The following PDE4D variants were observed in gnomAD, a reference collection of about 807,000 sequenced individuals.
PDE4D encodes the protein phosphodiesterase 4D.
PDE4D carries 24 observed loss-of-function variants against 87.4 expected under a neutral mutation model. That is an observed-to-expected ratio of 0.27 (90% CI 0.20 to 0.39). The LOEUF is 0.39. PDE4D is among the 10% of genes least tolerant of loss of function. PDE4D has a pLI of 1.00. For missense variants in PDE4D, 714 were observed against 1,041.0 expected (o/e 0.69, Z 4.32); for synonymous variants, 384 against 383.2 (o/e 1.00, Z -0.02).
At chr5:59,551,019 T>A (rs1201818221) in intron 1 of PDE4D, among the ~76,000 whole-genome samples, 1 of 152,160 alleles carries the variant, frequency 6.6e-6, no homozygotes, top group Non-Finnish European at 1.5e-5. Flanking sequence ...TTTTAAGACA[T>A]TAAAGTCAAT....
rs745528970 is a variant in PDE4D at position 59,185,173 on chromosome 5, A to G, written c.758+16T>C. The G allele has an allele frequency of 9.4e-6, 15 of 1,601,476 alleles. No homozygotes were observed. Among genetic ancestry groups the G allele is most frequent in the East Asian group, 2.2e-5 (1 of 44,798 alleles). On this transcript the variant is annotated intron_variant, in intron 4 of 14. Transcript: ENST00000340635. ...AAAGTTCAGCAAAAAAGAGGGGGGAAAAAAGGATATCTTACTTGCTAGGTG... is the reference window on the plus strand; with the variant it reads ...AAAGTTCAGCAAAAAAGAGGGGGGAGAAAAGGATATCTTACTTGCTAGGTG...
intron 1 of PDE4D, among the ~76,000 whole-genome samples, chr5:60,386,364 A>G (rs1762193037): frequency 6.6e-6 from 1 of 152,316 alleles, no homozygotes; most frequent in East Asian, 1.9e-4. Flanking sequence ...ATAAATCCTT[A>G]TGGATTTAAT....
At chr5:60,261,630 A>T (rs1177369151) in intron 1 of PDE4D, among the ~76,000 whole-genome samples, 1 of 152,166 alleles carries the variant, frequency 6.6e-6, no homozygotes, top group Admixed American at 6.6e-5. Flanking sequence ...TGAAAGAAAG[A>T]GGTGGGCTGA....
chr5:60,415,534 T>C (rs28635931), intron 1 of PDE4D, among the ~76,000 whole-genome samples: 46,271 of 152,162 alleles, frequency 0.3, 8,635 homozygotes, highest in African/African-American at 0.53. Flanking sequence ...GTGGGCTTGG[T>C]GGGCCCGCAC....
intron 2 of PDE4D, among the ~76,000 whole-genome samples, chr5:59,993,027 T>G (rs1167433079): frequency 6.6e-6 from 1 of 152,208 alleles, no homozygotes; most frequent in African/African-American, 2.4e-5. Context: ...TCTTATGTTA[T>G]TGTTAGAAAA....
chr5:59,525,712 G>A (rs1219806729), intron 1 of PDE4D, among the ~76,000 whole-genome samples: 2 of 152,148 alleles, frequency 1.3e-5, no homozygotes, highest in South Asian at 4.1e-4. Context: ...TTGGGGGAGG[G>A]AACCTCATGG....
chr5:59,513,051 G>C (rs1810534815), intron 1 of PDE4D, among the ~76,000 whole-genome samples: 1 of 151,952 alleles, frequency 6.6e-6, no homozygotes, highest in Admixed American at 6.6e-5. Flanking sequence ...TAAATATGAA[G>C]GGCAAAATAT....
intron 5 of PDE4D, among the ~76,000 whole-genome samples, chr5:59,100,786 T>C (rs1425279292): frequency 1.3e-5 from 2 of 152,190 alleles, no homozygotes; most frequent in Admixed American, 6.5e-5. Context: ...AAAATTGTTA[T>C]ATCTCTTTTG....
In PDE4D at chr5:59,935,109, A is replaced by G. The variant is rs144756985; in HGVS notation, c.272+53379T>C. 2.0e-5 allele frequency among the ~76,000 whole-genome samples: 3 copies of G among 152,312 alleles called. No individual in the cohort carries two copies. In the East Asian group the frequency reaches 5.8e-4, roughly 29 times the overall value. On this transcript the variant is annotated intron_variant, in intron 3 of 16. Transcript: ENST00000502484. ...GTTGAGTTTAAAGGGCTGTGAGGTCATAAGTATCCAATCCATTGGGCATAG... is the reference window on the plus strand; with the variant it reads ...GTTGAGTTTAAAGGGCTGTGAGGTCGTAAGTATCCAATCCATTGGGCATAG...
chr5:59,183,145 T>C (rs1330705651), intron 4 of PDE4D, among the ~76,000 whole-genome samples: 2 of 152,192 alleles, frequency 1.3e-5, no homozygotes, highest in African/African-American at 4.8e-5. Context: ...CGTGAATAGA[T>C]TGAATCCTAC....
At chr5:59,457,441 A>G (rs6870632) in intron 1 of PDE4D, among the ~76,000 whole-genome samples, 65,731 of 152,110 alleles carry the variant, frequency 0.43, 16,952 homozygotes, top group African/African-American at 0.73. Flanking sequence ...TATGTACTGG[A>G]AAACCAAAAT....
chr5:59,775,833 C>A (rs1194040702), intron 1 of PDE4D, among the ~76,000 whole-genome samples: 1 of 152,192 alleles, frequency 6.6e-6, no homozygotes, highest in African/African-American at 2.4e-5. Flanking sequence ...TTATCTTTCT[C>A]TTTCATTTGC....
At chr5:59,356,908 G>A in intron 1 of PDE4D, 1 of 1,466,434 alleles carries the variant, frequency 6.8e-7, no homozygotes, top group Non-Finnish European at 8.9e-7. Flanking sequence ...GCGGGGCTCT[G>A]GGGCCCTGAG....
intron 1 of PDE4D, among the ~76,000 whole-genome samples, chr5:59,382,106 T>C (rs1316323374): frequency 6.6e-6 from 1 of 152,068 alleles, no homozygotes; most frequent in African/African-American, 2.4e-5. Flanking sequence ...CAGTCCCCCA[T>C]TTCCCTGACA....
chr5:59,137,416 C>G (rs561593761), intron 5 of PDE4D, among the ~76,000 whole-genome samples: 1 of 151,920 alleles, frequency 6.6e-6, no homozygotes, highest in East Asian at 1.9e-4. Context: ...CAAAGAAAAA[C>G]TTCATGGTAT....
chr5:59,157,281 C>T (rs1300227974), intron 5 of PDE4D: 1 of 701,948 alleles, frequency 1.4e-6, no homozygotes, highest in Non-Finnish European at 2.6e-6. Context: ...CTGTAGTTTT[C>T]AAGGTCAGCC....
chr5:60,223,299 C>T (rs1190423054), intron 1 of PDE4D, among the ~76,000 whole-genome samples: 1 of 152,074 alleles, frequency 6.6e-6, no homozygotes, highest in Non-Finnish European at 1.5e-5. Context: ...TATAAACATA[C>T]CTATCGATTA....
intron 2 of PDE4D, among the ~76,000 whole-genome samples, chr5:60,142,108 T>C (rs1225962500): frequency 6.6e-6 from 1 of 151,364 alleles, no homozygotes; most frequent in African/African-American, 2.4e-5. Context: ...GCCTAGAAAC[T>C]GCATGGAAAA....
At chr5:59,893,735 A>G, upstream of PDE4D, 2 of 1,374,576 alleles carry the variant, frequency 1.5e-6, no homozygotes, top group Non-Finnish European at 1.9e-6. Context: ...GCAGCCCAGC[A>G]GAGGCTGGTG....
Sources: allele counts gnomAD v4.1 joint callset (sites outside exome capture counted in the v4.1 genomes callset), GRCh38; gene constraint gnomAD v4.1.1; transcripts MANE v1.5; gene names NCBI Gene and HGNC (gene_info 2026-07-23, HGNC 2026-07-21).